ZNF778: variants seen among roughly 807,000 people sequenced by gnomAD.
ZNF778 encodes zinc finger protein 778.
ZNF778 carries 37 observed loss-of-function variants against 23.9 expected under a neutral mutation model. The observed-to-expected ratio is 1.54, with a 90% CI of 1.19 to 2.03. The LOEUF (loss-of-function observed/expected upper bound fraction) is 2.03, where lower values mean the gene tolerates loss of function less well. ZNF778 is among the 30% of genes most tolerant of loss of function. ZNF778 has a pLI of 0.00. For missense variants in ZNF778, 1,297 were observed against 934.4 expected, an observed-to-expected ratio of 1.39 and a Z score of -5.06; for synonymous variants, 483 against 343.9, an observed-to-expected ratio of 1.40 and a Z score of -4.48.
chr16:89,223,348 C>A, intron 4 of ZNF778, 65 bp downstream of exon 4: 2 of 1,599,940 alleles, frequency 1.3e-6, no homozygotes, highest in Non-Finnish European at 1.7e-6. Flanking sequence ...TTACTGTGTT[C>A]CAGGGTTGGT....
rs202068229 is a variant in ZNF778 at position 89,227,324 on chromosome 16, T to A, written c.1036T>A (p.Phe346Ile). 4 of 1,613,988 alleles carry A rather than the reference T, an allele frequency of 2.5e-6. No homozygotes were observed. Among genetic ancestry groups the A allele is most frequent in the Non-Finnish European group, 3.4e-6 (4 of 1,179,896 alleles). The change falls in exon 7 of 7, where the codon TTC (phenylalanine) becomes ATC (isoleucine). Residue 346 changes from phenylalanine (F) to isoleucine (I), a missense_variant. Coordinates refer to ENST00000433976, the MANE Select transcript of ZNF778 (RefSeq NM_001201407.2). ...PCECKECGKAFTGLSGLSKHV... is the reference protein window; with the variant it reads ...PCECKECGKAITGLSGLSKHV... ...TGAATGTAAAGAATGCGGAAAAGCCTTCACTGGACTCTCAGGTCTTTCTAA... is the reference window on the plus strand; with the variant it reads ...TGAATGTAAAGAATGCGGAAAAGCCATCACTGGACTCTCAGGTCTTTCTAA...
At position 89,220,986 on chromosome 16, in the gene ZNF778, A is replaced by T; in HGVS notation, c.-131-11A>T. ...AACTGGGAAGTAATGCTTCTTCATCATGATTGCTAGGAAATAGGGATCCAG... is the reference window on the plus strand; with the variant it reads ...AACTGGGAAGTAATGCTTCTTCATCTTGATTGCTAGGAAATAGGGATCCAG... On this transcript the variant is annotated splice_polypyrimidine_tract_variant and intron_variant, in intron 1 of 6. Transcript: ENST00000433976. 1 of 843,434 alleles carries T rather than the reference A, an allele frequency of 1.2e-6. No homozygotes were observed. The highest frequency in any genetic ancestry group is 1.9e-6 in the Non-Finnish European group (1 of 535,000). The allele number at this position is 843,434 out of a possible 1,614,324, so 52.2% of individuals were successfully genotyped here.
In ZNF778 at chr16:89,226,959, C is replaced by G. The variant is rs773526605; in HGVS notation, c.671C>G (p.Ser224Cys). Residue 224 changes from serine (S) to cysteine (C), a missense_variant, in exon 7 of 7, where the codon TCT becomes TGT. Physicochemically the swap from Ser to Cys is moderately radical, Grantham distance 112. Transcript: ENST00000433976. The stretch of plus-strand genomic sequence containing the variant: ...CAGCAAGCATGCACTCGGGACAGAT[C>G]TCTTGACTACAGCAGCTGTGGGGAA... ...VSQQACTRDR[S>C]LDYSSCGEVF... 1.2e-6 allele frequency: 2 copies of G among 1,614,042 alleles called. No individual in the cohort carries two copies. The highest frequency in any genetic ancestry group is 4.5e-5 in the East Asian group (2 of 44,882).
At position 89,227,661 on chromosome 16, in the gene ZNF778, T is replaced by C. The variant is rs1170492026; in HGVS notation, c.1373T>C (p.Phe458Ser). 1.2e-5 allele frequency: 19 copies of C among 1,613,968 alleles called. No individual in the cohort carries two copies. Among genetic ancestry groups the C allele is most frequent in the Non-Finnish European group, 1.4e-5 (17 of 1,180,014 alleles). Reference protein sequence around the residue: ...PYTCKDCGKAFCTSSGLTEHV... With the variant: ...PYTCKDCGKASCTSSGLTEHV... ...ACGTGTAAGGACTGCGGGAAAGCCTTCTGTACATCCTCGGGCCTTACTGAG... is the reference window on the plus strand; with the variant it reads ...ACGTGTAAGGACTGCGGGAAAGCCTCCTGTACATCCTCGGGCCTTACTGAG... The change falls in exon 7 of 7, where the codon TTC becomes TCC. Residue 458 changes from phenylalanine to serine, a missense_variant. Phe to Ser is a radical substitution (Grantham distance 155). Coordinates refer to ENST00000433976, the MANE Select transcript of ZNF778 (RefSeq NM_001201407.2).
At position 89,228,459 on chromosome 16, in the gene ZNF778, C is replaced by T; in HGVS notation, c.2171C>T (p.Thr724Ile). 1 of 1,613,882 alleles carries T rather than the reference C, an allele frequency of 6.2e-7. No homozygotes were observed. The highest frequency in any genetic ancestry group is 1.1e-5 in the South Asian group (1 of 91,014). ...YLLKEHLKTY[T>I]EEQVFVCKDC... ...CTAAAAGAACATTTAAAAACTTACA[C>T]TGAAGAGCAGGTTTTTGTATGTAAG... The change falls in exon 7 of 7, where the codon ACT (threonine) becomes ATT (isoleucine). Residue 724 changes from threonine (T) to isoleucine (I), a missense_variant. Transcript: ENST00000433976.
Position 89,230,144 on chromosome 16 carries a change from T to A in ZNF778, c.*1582T>A. Reference sequence around the variant, plus strand: ...CCAATGTTGGGGCATAACACAGCTCTACATTTTATGAAAATGCCCTTGTTC... The same window carrying A: ...CCAATGTTGGGGCATAACACAGCTCAACATTTTATGAAAATGCCCTTGTTC... On this transcript the variant is annotated 3_prime_UTR_variant, in exon 7 of 7. Coordinates refer to ENST00000433976, the MANE Select transcript of ZNF778 (RefSeq NM_001201407.2). 1.5e-6 allele frequency: 1 copy of A among 655,462 alleles called. No homozygotes were observed. Among genetic ancestry groups the A allele is most frequent in the Non-Finnish European group, 1.9e-6 (1 of 529,826 alleles). 40.6% of individuals were successfully genotyped at this position (655,462 alleles called of 1,614,324 possible). A position where few individuals can be genotyped will look rare whatever the true frequency, so the allele number is the denominator to read the frequency against.
chr16:89,225,405 T>G, intron 5 of ZNF778, 150 bp from the exon 6 acceptor site: 1 of 572,118 alleles, frequency 1.7e-6, no homozygotes, highest in Non-Finnish European at 3.2e-6. Flanking sequence ...ATCTTCTAAA[T>G]TATGACTCCC....
intron 4 of ZNF778, among the ~76,000 whole-genome samples, chr16:89,223,596 C>G (rs2031178315): frequency 6.6e-6 from 1 of 152,210 alleles, no homozygotes; most frequent in East Asian, 1.9e-4. Context: ...CACTCTAACA[C>G]TGAGAACCAC....
rs574223480 is a variant in ZNF778, at chr16:89,219,563, C to A, written c.-131-1434C>A. On this transcript the variant is annotated intron_variant, in intron 1 of 6. Transcript: ENST00000433976. ...GTAAGTGGTCAGCTGCATAGATGAC[C>A]GTTTAGAGGGTGTAGATTTACTCTG... Among the ~76,000 whole-genome samples, 6 of 152,270 alleles carry A rather than the reference C, an allele frequency of 3.9e-5. No individual in the cohort carries two copies. The South Asian group carries it at 1.2e-3, about 32-fold the overall frequency.
At position 89,228,734 on chromosome 16, in the gene ZNF778, A is replaced by G. The variant is rs2031730866; in HGVS notation, c.*172A>G. The G allele has an allele frequency of 1.4e-6, 2 of 1,421,162 alleles. No individual in the cohort carries two copies. The highest frequency in any genetic ancestry group is 3.1e-5 in the Admixed American group (1 of 32,174). The allele number at this position is 1,421,162 out of a possible 1,614,324, so 88.0% of individuals were successfully genotyped here. A position where few individuals can be genotyped will look rare whatever the true frequency, so the allele number is the denominator to read the frequency against. The stretch of plus-strand genomic sequence containing the variant: ...AGCCCTATGCAGCAGACACAGAGAA[A>G]GCCCTCAGTGTTCTCTAAGGTCTTG... On this transcript the variant is annotated 3_prime_UTR_variant, in exon 7 of 7. Coordinates refer to ENST00000433976, the MANE Select transcript of ZNF778 (RefSeq NM_001201407.2).
At position 89,233,687 on chromosome 16, in the gene ZNF778, C is replaced by T. The variant is rs1281317610; in HGVS notation, c.*5125C>T. ...AACTCGCACTGCGTATGCAAATCAA[C>T]TTACTGCATATGCAACTCAACTCAC... is the stretch of plus-strand genomic sequence containing the variant. On this transcript the variant is annotated 3_prime_UTR_variant, in exon 7 of 7. Transcript: ENST00000433976. 7.8e-7 allele frequency: 1 copy of T among 1,285,838 alleles called. No individual in the cohort carries two copies. Among genetic ancestry groups the T allele is most frequent in the Non-Finnish European group, 1.0e-6 (1 of 987,826 alleles). 79.7% of individuals were successfully genotyped at this position (1,285,838 alleles called of 1,614,324 possible).
chr16:89,226,558 A>G (rs2031487390), intron 6 of ZNF778, 136 bp from the exon 7 acceptor site: 8 of 714,784 alleles, frequency 1.1e-5, no homozygotes, highest in Admixed American at 8.7e-5. Context: ...AAAGACATCT[A>G]CAGGGCAGGA....
Position 89,225,638 on chromosome 16 carries a change from T to A in ZNF778, c.405+7T>A. ...ATCAAATGAGACACAGACGGTAAGATTAACAAGAGAGATTTTTTTATTTAT... is the reference window on the plus strand; with the variant it reads ...ATCAAATGAGACACAGACGGTAAGAATAACAAGAGAGATTTTTTTATTTAT... On this transcript the variant is annotated splice_region_variant and intron_variant, in intron 6 of 6. Coordinates refer to ENST00000433976, the MANE Select transcript of ZNF778 (RefSeq NM_001201407.2). 1 of 1,608,698 alleles carries A rather than the reference T, an allele frequency of 6.2e-7. No homozygotes were observed. Among genetic ancestry groups the A allele is most frequent in the Non-Finnish European group, 8.5e-7 (1 of 1,176,266 alleles).
At chr16:89,224,386 G>A (rs766432784) in intron 4 of ZNF778, among the ~76,000 whole-genome samples, 1 of 152,202 alleles carries the variant, frequency 6.6e-6, no homozygotes, top group African/African-American at 2.4e-5. Context: ...TTGAGAGGCC[G>A]GGGTGGGCGG....
chr16:89,223,766 T>C (rs1271132247), intron 4 of ZNF778, among the ~76,000 whole-genome samples: 1 of 152,026 alleles, frequency 6.6e-6, no homozygotes, highest in African/African-American at 2.4e-5. Context: ...AAGGATGGAG[T>C]ATTTGCACTT....
Position 89,227,542 on chromosome 16 carries a change from A to G in ZNF778, c.1254A>G (p.Ile418Met), listed in dbSNP as rs1276558878. 1.9e-6 allele frequency: 3 copies of G among 1,614,026 alleles called. No homozygotes were observed. The highest frequency in any genetic ancestry group is 2.5e-6 in the Non-Finnish European group (3 of 1,180,046). The part of the protein sequence containing the change: ...LNNHVRIHTG[I>M]KPYTCSYCGK... ...ATCATGTTCGAATTCACACTGGAATAAAACCCTATACATGCAGCTACTGTG... is the reference window on the plus strand; with the variant it reads ...ATCATGTTCGAATTCACACTGGAATGAAACCCTATACATGCAGCTACTGTG... The change falls in exon 7 of 7, where the codon ATA becomes ATG. Residue 418 changes from isoleucine (I) to methionine (M), a missense_variant. Ile to Met is a conservative substitution (Grantham distance 10). Transcript: ENST00000433976.
chr16:89,229,259 A>G lies in ZNF778; in HGVS notation c.*697A>G. ...AGGATCCAGATGTGATTCTTTGAGC[A>G]GCGTAGGCTCTGGTTGGTTAGTCTT... On this transcript the variant is annotated 3_prime_UTR_variant, in exon 7 of 7. Coordinates refer to ENST00000433976, the MANE Select transcript of ZNF778 (RefSeq NM_001201407.2). The G allele has an allele frequency of 1.0e-5, 10 of 985,538 alleles. No homozygotes were observed. Among genetic ancestry groups the G allele is most frequent in the Non-Finnish European group, 1.2e-5 (10 of 830,096 alleles). 61.0% of individuals were successfully genotyped at this position (985,538 alleles called of 1,614,324 possible).
rs2031694394 is a variant in ZNF778 at position 89,228,355 on chromosome 16, T to C, written c.2067T>C (p.His689=). 6.2e-7 allele frequency: 1 copy of C among 1,613,564 alleles called. No individual in the cohort carries two copies. The highest frequency in any genetic ancestry group is 1.3e-5 in the African/African-American group (1 of 74,912). ...CCTTCCGTGCCTCCTCTCACCTGCATAAACATGGAAGAATTCACACTGGGC... is the reference window on the plus strand; with the variant it reads ...CCTTCCGTGCCTCCTCTCACCTGCACAAACATGGAAGAATTCACACTGGGC... ...GKAFRASSHL[H]KHGRIHTGQK... The change falls in exon 7 of 7, where the codon CAT becomes CAC. Residue 689 remains histidine (H), a synonymous_variant. Coordinates refer to ENST00000433976, the MANE Select transcript of ZNF778 (RefSeq NM_001201407.2).
Position 89,235,740 on chromosome 16 carries a change from G to C in ZNF778, c.*7178G>C, listed in dbSNP as rs909135727. On this transcript the variant is annotated 3_prime_UTR_variant, in exon 7 of 7. Coordinates refer to ENST00000433976, the MANE Select transcript of ZNF778 (RefSeq NM_001201407.2). Reference sequence around the variant, plus strand: ...ATGACCTCAGTATCCTGGAAGAAAAGGAGAAAGTGTGATGTAGTAAAACCA... The same window carrying C: ...ATGACCTCAGTATCCTGGAAGAAAACGAGAAAGTGTGATGTAGTAAAACCA... 1 of 152,136 alleles carries C rather than the reference G, an allele frequency of 6.6e-6. No homozygotes were observed. The highest frequency in any genetic ancestry group is 2.1e-4 in the South Asian group (1 of 4,830). The allele number at this position is 152,136 out of a possible 1,614,324, so 9.4% of individuals were successfully genotyped here. A position where few individuals can be genotyped will look rare whatever the true frequency, so the allele number is the denominator to read the frequency against.
Sources: allele counts gnomAD v4.1 joint callset (sites outside exome capture counted in the v4.1 genomes callset), GRCh38; gene constraint gnomAD v4.1.1; transcripts MANE v1.5; gene names NCBI Gene and HGNC (gene_info 2026-07-23, HGNC 2026-07-21).